Variants in MTHFS observed in about 807,000 individuals in gnomAD.
The protein encoded by MTHFS is methenyltetrahydrofolate synthetase, also known as 5-formyltetrahydrofolate cyclo-ligase.
In MTHFS, 7 loss-of-function variants were observed where a neutral mutation model predicts 12.7. The observed-to-expected ratio is 0.55, with a 90% CI of 0.31 to 1.03. The LOEUF (loss-of-function observed/expected upper bound fraction) is 1.03. MTHFS is among the 50% of genes least tolerant of loss of function. The pLI is 0.05. For synonymous variants in MTHFS, 100 were observed against 97.1 expected (o/e 1.03, Z -0.18); for missense variants, 252 against 258.1 (o/e 0.98, Z 0.16).
intron 2 of MTHFS, among the ~76,000 whole-genome samples, chr15:79,862,282 A>G (rs2033930406): frequency 6.6e-6 from 1 of 152,218 alleles, no homozygotes; most frequent in South Asian, 2.1e-4. Context: ...CCCTATAAGT[A>G]ACATCAACCT....
Position 79,857,181 on chromosome 15 carries a change from A to G in MTHFS, c.380-11739T>C, listed in dbSNP as rs185583481. ...CAGCTAATTTTTATATTTTTTTAGT[A>G]GAGATGGGGTTTCATCATGTTGGCC... On this transcript the variant is annotated intron_variant, in intron 2 of 2. Coordinates refer to ENST00000258874, the MANE Select transcript of MTHFS (RefSeq NM_006441.4). Among the ~76,000 whole-genome samples, 153 of 152,058 alleles carry G rather than the reference A, an allele frequency of 1.0e-3. 1 individual carries two copies. The highest frequency in any genetic ancestry group is 6.8e-3 in the Middle Eastern group (2 of 294).
chr15:79,862,257 AAACT>A (rs1158886872), intron 2 of MTHFS, among the ~76,000 whole-genome samples: 10 of 152,150 alleles, frequency 6.6e-5, no homozygotes, highest in East Asian at 1.9e-4. Context: ...CACCCCCAAA[AAACT>A]AACTAACACA....
At chr15:79,883,497 T>G (rs909666072) in intron 2 of MTHFS, among the ~76,000 whole-genome samples, 1 of 152,156 alleles carries the variant, frequency 6.6e-6, no homozygotes, top group African/African-American at 2.4e-5. Context: ...AAAAGGGATA[T>G]ACTTCCAAAA....
Position 79,844,956 on chromosome 15 carries a change from G to A in MTHFS, c.*254C>T. On this transcript the variant is annotated 3_prime_UTR_variant, in exon 3 of 3. Coordinates refer to ENST00000258874, the MANE Select transcript of MTHFS (RefSeq NM_006441.4). ...AATTGCAAAGTAGACAGATCAACTT[G>A]TCACATTAACACCAGGAAGTTAAGC... 1 of 518,978 alleles carries A rather than the reference G, an allele frequency of 1.9e-6. No homozygotes were observed. The highest frequency in any genetic ancestry group is 3.3e-6 in the Non-Finnish European group (1 of 298,676). 32.1% of individuals were successfully genotyped at this position (518,978 alleles called of 1,614,324 possible). A position where few individuals can be genotyped will look rare whatever the true frequency, so the allele number is the denominator to read the frequency against.
chr15:79,871,974 G>A (rs1596073174), intron 2 of MTHFS, among the ~76,000 whole-genome samples: 1 of 151,506 alleles, frequency 6.6e-6, no homozygotes, highest in Admixed American at 6.6e-5. Context: ...GCATGGTGGT[G>A]GCCACCTGTA....
At chr15:79,851,955 A>G (rs1385542545) in intron 2 of MTHFS, among the ~76,000 whole-genome samples, 1 of 152,170 alleles carries the variant, frequency 6.6e-6, no homozygotes, top group African/African-American at 2.4e-5. Context: ...ACATCATCAA[A>G]ATTACCTTCA....
intron 1 of MTHFS, among the ~76,000 whole-genome samples, chr15:79,891,961 C>T (rs1272546163): frequency 3.3e-5 from 1 of 30,026 alleles, no homozygotes; most frequent in Non-Finnish European, 6.7e-5. Context: ...GAAACTCCAT[C>T]TCAAAAAAAA....
chr15:79,895,806 T>G (rs978388684), intron 1 of MTHFS, among the ~76,000 whole-genome samples: 3 of 152,228 alleles, frequency 2.0e-5, no homozygotes, highest in African/African-American at 7.2e-5. Context: ...GAAGGGTAAT[T>G]AAGAAAGCCT....
upstream of MTHFS, chr15:79,897,062 G>T (rs2034594411): frequency 2.2e-6 from 3 of 1,372,104 alleles, no homozygotes; most frequent in South Asian, 4.6e-5. Flanking sequence ...GCCCCTGGCC[G>T]CTCCCAGGTG....
rs145423111 is a variant in MTHFS, at chr15:79,845,228, T to C, written c.594A>G (p.Glu198=). ...TCCAGATTTAAGCTGTTGACGAGTC[T>C]TCGTAAAGGACTTCATCTACCTTCA... ...NDMKVDEVLY[E]DSSTA The change falls in exon 3 of 3, where the codon GAA becomes GAG. Residue 198 remains glutamate (E), a synonymous_variant. Transcript: ENST00000258874. 11 of 1,614,068 alleles carry C rather than the reference T, an allele frequency of 6.8e-6. No homozygotes were observed. Among genetic ancestry groups the C allele is most frequent in the Non-Finnish European group, 9.3e-6 (11 of 1,180,028 alleles).
Position 79,859,937 on chromosome 15 carries a change from A to T in MTHFS, c.380-14495T>A, listed in dbSNP as rs933587761. ...AAACACAAAATACTAAGATAAAATG[A>T]TGATGATTTATATAAACTCAAGTGA... On this transcript the variant is annotated intron_variant, in intron 2 of 2. Coordinates refer to ENST00000258874, the MANE Select transcript of MTHFS (RefSeq NM_006441.4). 9.2e-5 allele frequency among the ~76,000 whole-genome samples: 14 copies of T among 152,222 alleles called. 1 individual carries two copies. Among genetic ancestry groups the T allele is most frequent in the African/African-American group, 1.9e-4 (8 of 41,558 alleles).
chr15:79,884,375 T>C (rs1370735376), intron 2 of MTHFS, among the ~76,000 whole-genome samples: 1 of 152,216 alleles, frequency 6.6e-6, no homozygotes, highest in Non-Finnish European at 1.5e-5. Flanking sequence ...CCAATGTCCC[T>C]TCTTTTGACA....
At chr15:79,881,819 A>T (rs528957300) in intron 2 of MTHFS, among the ~76,000 whole-genome samples, 1 of 152,352 alleles carries the variant, frequency 6.6e-6, no homozygotes, top group African/African-American at 2.4e-5. Context: ...TGGAGTGGAA[A>T]CCAGAACTGG....
chr15:79,881,614 C>A (rs2034295853), intron 2 of MTHFS, among the ~76,000 whole-genome samples: 1 of 151,454 alleles, frequency 6.6e-6, no homozygotes, highest in African/African-American at 2.4e-5. Context: ...GACCAGAGTA[C>A]TTTTAGATAC....
At chr15:79,870,209 C>T (rs1290858042) in intron 2 of MTHFS, among the ~76,000 whole-genome samples, 3 of 152,168 alleles carry the variant, frequency 2.0e-5, no homozygotes, top group Non-Finnish European at 4.4e-5. Context: ...AGACAACAGA[C>T]TAGTTGTCTA....
At position 79,888,933 on chromosome 15, in the gene MTHFS, C is replaced by T. The variant is rs189781128; in HGVS notation, c.379+160G>A. 2.0e-4 allele frequency among the ~76,000 whole-genome samples: 30 copies of T among 152,314 alleles called. No individual in the cohort carries two copies. The East Asian group carries it at 5.4e-3, about 27-fold the overall frequency. ...ACACTTTACAGTTTTCAAAAGGCAT[C>T]ACATCCTAAACCAGGTAATACAGGT... On this transcript the variant is annotated intron_variant, in intron 2 of 2. Transcript: ENST00000258874.
chr15:79,860,348 C>G (rs2033890679), intron 2 of MTHFS, among the ~76,000 whole-genome samples: 1 of 151,028 alleles, frequency 6.6e-6, no homozygotes, highest in Non-Finnish European at 1.5e-5. Context: ...GAGATCGCAC[C>G]ACTGCACTCC....
intron 2 of MTHFS, among the ~76,000 whole-genome samples, chr15:79,875,440 A>G (rs1174618779): frequency 6.6e-6 from 1 of 152,192 alleles, no homozygotes; most frequent in African/African-American, 2.4e-5. Context: ...CTGTCCTTCA[A>G]AAACAGAGAA....
intron 1 of MTHFS, among the ~76,000 whole-genome samples, chr15:79,893,675 G>A (rs2034515102): frequency 6.8e-6 from 1 of 148,118 alleles, no homozygotes; most frequent in Non-Finnish European, 1.5e-5. Flanking sequence ...AACAGCCTGG[G>A]CAACAGAGCG....
Sources: allele counts gnomAD v4.1 joint callset (sites outside exome capture counted in the v4.1 genomes callset), GRCh38; gene constraint gnomAD v4.1.1; transcripts MANE v1.5; gene names NCBI Gene and HGNC (gene_info 2026-07-23, HGNC 2026-07-21).